Variants in TMEM235 observed in about 807,000 individuals in gnomAD.
TMEM235 encodes claudin-27.
Under a neutral mutation model 22.9 loss-of-function variants are expected in TMEM235, and 23 were observed. The observed-to-expected ratio is 1.00, with a 90% CI of 0.72 to 1.42. The LOEUF is 1.42. Among genes scored for constraint, TMEM235 ranks in the 40% most tolerant of loss-of-function variants. The probability of loss-of-function intolerance (pLI) is 0.00; values close to 1 mark genes in which losing one functional copy is unlikely to be tolerated. For missense variants in TMEM235, 308 were observed against 299.5 expected (o/e 1.03, Z -0.21); for synonymous variants, 137 against 140.5 (o/e 0.98, Z 0.17).
Position 78,233,881 on chromosome 17 carries a change from C to T in TMEM235, c.191-14C>T. The T allele has an allele frequency of 6.5e-7, 1 of 1,535,836 alleles. No homozygotes were observed. The highest frequency in any genetic ancestry group is 1.2e-5 in the South Asian group (1 of 84,052). On this transcript the variant is annotated splice_polypyrimidine_tract_variant and intron_variant, in intron 2 of 5. Coordinates refer to ENST00000421688, the Ensembl canonical transcript of TMEM235. The stretch of plus-strand genomic sequence containing the variant: ...AGCGTCCAGGCCCCAGGCTTCGAGG[C>T]CTATGTTTCCCAGGGCAGAACGGCT...
rs78591148 is a variant in TMEM235, at chr17:78,237,676, G to A, written c.410-1348G>A. 0.02 allele frequency among the ~76,000 whole-genome samples: 3,045 copies of A among 152,056 alleles called. 101 individuals are homozygous for A. Among genetic ancestry groups the A allele is most frequent in the African/African-American group, 0.068 (2,833 of 41,464 alleles). Reference sequence around the variant, plus strand: ...CAGGCAGAGACAGGCACCTCCTGCCGCACGGTCAGCCCCCGCTGCTGGGGG... The same window carrying A: ...CAGGCAGAGACAGGCACCTCCTGCCACACGGTCAGCCCCCGCTGCTGGGGG... On this transcript the variant is annotated intron_variant, in intron 4 of 5. Transcript: ENST00000421688. The surrounding 1 kb of genome is among the most constrained non-coding windows in gnomAD (Gnocchi z 4.7).
exon 2 of TMEM235, chr17:78,232,194 G>A: frequency 3.4e-6 from 5 of 1,484,908 alleles, no homozygotes; most frequent in Non-Finnish European, 4.4e-6. Flanking sequence ...CGCACTCGGG[G>A]CTCTGGCGCA....
At chr17:78,234,864 C>A in intron 4 of TMEM235, 134 bp downstream of exon 3, 1 of 1,169,354 alleles carries the variant, frequency 8.6e-7, no homozygotes, top group Non-Finnish European at 1.2e-6. Flanking sequence ...GGCGATGGAG[C>A]CGTGGCAGGC....
chr17:78,239,011 A>G lies in TMEM235; in HGVS notation c.410-13A>G, dbSNP rs1347782096. 2 of 1,531,928 alleles carry G rather than the reference A, an allele frequency of 1.3e-6. No homozygotes were observed. The highest frequency in any genetic ancestry group is 1.4e-5 in the African/African-American group (1 of 72,804). The allele number at this position is 1,531,928 out of a possible 1,614,324, so 94.9% of individuals were successfully genotyped here. A position where few individuals can be genotyped will look rare whatever the true frequency, so the allele number is the denominator to read the frequency against. On this transcript the variant is annotated splice_polypyrimidine_tract_variant and intron_variant, in intron 4 of 5. Transcript: ENST00000421688. The stretch of plus-strand genomic sequence containing the variant: ...CAGACACCGAGCAGCTGCCCTCCCC[A>G]TCTCTCCCCCAGGTGTCCTGACACT...
chr17:78,234,048 C>T, intron 3 of TMEM235, 73 bp downstream of exon 2: 1 of 1,312,830 alleles, frequency 7.6e-7, no homozygotes, highest in Non-Finnish European at 1.0e-6. Context: ...CCATCCCCAT[C>T]CCCATCCCGC....
chr17:78,239,982 A>G (rs764849722), exon 6 of TMEM235: 8 of 1,546,536 alleles, frequency 5.2e-6, no homozygotes, highest in Non-Finnish European at 7.0e-6. Context: ...TGAGCGATCC[A>G]GATGTACCCC....
chr17:78,234,489 C>T (rs530486901), intron 3 of TMEM235, 104 bp from the exon 3 acceptor site: 192 of 1,485,348 alleles, frequency 1.3e-4, no homozygotes, highest in Admixed American at 6.4e-4. Flanking sequence ...GGGCGTCAGC[C>T]GCTTTTCCTG....
At position 78,237,430 on chromosome 17, in the gene TMEM235, G is replaced by C. The variant is rs954113187; in HGVS notation, c.410-1594G>C. The stretch of plus-strand genomic sequence containing the variant: ...CCAGCCGCAGAGGCCTCCTTTAGGA[G>C]GTCTGCCAGGAGCTGAGCCTGGGCC... On this transcript the variant is annotated intron_variant, in intron 4 of 5. Transcript: ENST00000421688. The surrounding 1 kb of genome is among the most constrained non-coding windows in gnomAD (Gnocchi z 4.7). Among the ~76,000 whole-genome samples the C allele has an allele frequency of 2.6e-5, 4 of 152,174 alleles. No individual in the cohort carries two copies. Among genetic ancestry groups the C allele is most frequent in the Non-Finnish European group, 5.9e-5 (4 of 68,018 alleles).
intron 2 of TMEM235, among the ~76,000 whole-genome samples, chr17:78,232,904 TATGTGA>T (rs2076599539): frequency 6.6e-6 from 1 of 152,088 alleles, no homozygotes; most frequent in South Asian, 2.1e-4. Flanking sequence ...TAAATATGAA[TATGTGA>T]GTGTGAGTGT....
chr17:78,232,153 G>C lies in TMEM235; in HGVS notation c.130G>C (p.Ala44Pro), dbSNP rs1230591611. Residue 44 changes from alanine to proline, a missense_variant, in exon 2 of 6, where the codon GCC (alanine) becomes CCC (proline). By Grantham distance (27) the Ala-to-Pro change is conservative. Transcript: ENST00000421688. ...GGTGGCGGACGCCGGCAATGGCAGC[G>C]CCTGGCCCGGGCGCGCAGAGCTGCT... is the stretch of plus-strand genomic sequence containing the variant. The C allele has an allele frequency of 6.7e-7, 1 of 1,487,390 alleles. No individual in the cohort carries two copies. The highest frequency in any genetic ancestry group is 8.9e-7 in the Non-Finnish European group (1 of 1,125,076). 92.1% of individuals were successfully genotyped at this position (1,487,390 alleles called of 1,614,324 possible).
rs1002765194 is a variant in TMEM235, at chr17:78,237,210, G to A, written c.410-1814G>A. 6.6e-6 allele frequency among the ~76,000 whole-genome samples: 1 copy of A among 152,122 alleles called. No individual in the cohort carries two copies. Among genetic ancestry groups the A allele is most frequent in the Admixed American group, 6.5e-5 (1 of 15,270 alleles). On this transcript the variant is annotated intron_variant, in intron 4 of 5. Transcript: ENST00000421688. This position sits in a 1 kb window ranked among gnomAD's most constrained non-coding sequence, Gnocchi z 4.7. ...CCGAAGCACAGAGGGCTCTCAGGAT[G>A]TCACACCAAAGGCACCTGCCCAGGG... is the stretch of plus-strand genomic sequence containing the variant.
chr17:78,236,255 C>G (rs1453968990), intron 4 of TMEM235, among the ~76,000 whole-genome samples: 7 of 150,608 alleles, frequency 4.6e-5, no homozygotes, highest in African/African-American at 1.7e-4. Context: ...GGGCCAGCCC[C>G]TCACCACACC....
intron 3 of TMEM235, 178 bp from the exon 3 acceptor site, chr17:78,234,415 C>A: frequency 1.0e-6 from 1 of 972,256 alleles, no homozygotes; most frequent in Non-Finnish European, 1.6e-6. Context: ...CCCTCCTGGC[C>A]TTAGGAAGCC....
intron 2 of TMEM235, among the ~76,000 whole-genome samples, chr17:78,233,674 T>C (rs958563265): frequency 5.6e-4 from 68 of 121,202 alleles, no homozygotes; most frequent in African/African-American, 1.7e-3. Flanking sequence ...CAGCCTGGGG[T>C]GACAGAGCGA....
chr17:78,234,647 G>A (rs1273445773), exon 4 of TMEM235: 10 of 1,536,070 alleles, frequency 6.5e-6, no homozygotes, highest in Non-Finnish European at 8.7e-6. Flanking sequence ...CTTCTCGTGT[G>A]TGGCTGGATC....
At position 78,238,139 on chromosome 17, in the gene TMEM235, G is replaced by A. The variant is rs529847635; in HGVS notation, c.410-885G>A. Among the ~76,000 whole-genome samples, 1 of 152,350 alleles carries A rather than the reference G, an allele frequency of 6.6e-6. No homozygotes were observed. Among genetic ancestry groups the A allele is most frequent in the Non-Finnish European group, 1.5e-5 (1 of 68,032 alleles). On this transcript the variant is annotated intron_variant, in intron 4 of 5. Coordinates refer to ENST00000421688, the Ensembl canonical transcript of TMEM235. This position sits in a 1 kb window ranked among gnomAD's most constrained non-coding sequence, Gnocchi z 4.3. ...TCATCAGCCTGAAGCTGTGGGAAGG[G>A]GGTGGCACTCCGGGCTGGTTCCTCC... is the stretch of plus-strand genomic sequence containing the variant.
chr17:78,236,392 G>A (rs1376127973), intron 4 of TMEM235, among the ~76,000 whole-genome samples: 1 of 152,246 alleles, frequency 6.6e-6, no homozygotes, highest in Non-Finnish European at 1.5e-5. Context: ...CCCCAGCACA[G>A]GCTGAGACTG....
At chr17:78,240,066 A>G in exon 6 of TMEM235, 1 of 1,447,832 alleles carries the variant, frequency 6.9e-7, no homozygotes, top group Non-Finnish European at 9.2e-7. Context: ...AGGCACCCAG[A>G]TCTCTGTCCT....
At chr17:78,234,523 G>A in intron 3 of TMEM235, 70 bp from the exon 3 acceptor site, 1 of 1,527,574 alleles carries the variant, frequency 6.5e-7, no homozygotes, top group Non-Finnish European at 8.8e-7. Context: ...CCACGTCACT[G>A]TCCTCCGGCA....
Sources: gnomAD v4.1 joint callset for allele counts (sites outside exome capture counted in the v4.1 genomes callset) on GRCh38, gnomAD v4.1.1 for gene constraint, Gnocchi (gnomAD v3.1) non-coding constraint, MANE v1.5 for transcripts, NCBI Gene and HGNC (gene_info 2026-07-23, HGNC 2026-07-21) for gene names.